The following ZFHX3 variants were observed in gnomAD, a reference collection of about 807,000 sequenced individuals.
ZFHX3 encodes the protein zinc finger homeobox protein 3.
ZFHX3 carries 42 observed loss-of-function variants against 279.1 expected under a neutral mutation model. The ratio of observed to expected loss-of-function variants is 0.15; its 90% CI spans 0.12 to 0.19. The LOEUF (loss-of-function observed/expected upper bound fraction) is 0.19. ZFHX3 is among the 10% of genes least tolerant of loss of function. The probability of loss-of-function intolerance (pLI) is 1.00; values close to 1 mark genes in which losing one functional copy is unlikely to be tolerated. For synonymous variants in ZFHX3, 2,293 were observed against 1,957.8 expected, an observed-to-expected ratio of 1.17 and a Z score of -4.52; for missense variants, 4,981 against 4,754.0, an observed-to-expected ratio of 1.05 and a Z score of -1.40.
At chr16:73,510,179 GCCACTTGCAATTACA>G (rs1415634801) in intron 2 of ZFHX3, among the ~76,000 whole-genome samples, 4 of 152,094 alleles carry the variant, frequency 2.6e-5, no homozygotes, top group African/African-American at 9.7e-5. Flanking sequence ...GCATCATCTA[GCCACTTGCAATTACA>G]CCACTCTCTT....
At chr16:73,743,862 C>T (rs1045239767) in intron 1 of ZFHX3, among the ~76,000 whole-genome samples, 4 of 152,072 alleles carry the variant, frequency 2.6e-5, no homozygotes, top group Non-Finnish European at 4.4e-5. Flanking sequence ...CTCTAGGGGG[C>T]GCCATGCATC....
At chr16:73,455,310 G>A (rs2018352650) in intron 3 of ZFHX3, among the ~76,000 whole-genome samples, 1 of 152,184 alleles carries the variant, frequency 6.6e-6, no homozygotes, top group South Asian at 2.1e-4. Context: ...GTGGAAAATT[G>A]ATTGCGAGAA....
intron 3 of ZFHX3, among the ~76,000 whole-genome samples, chr16:72,946,422 T>C (rs959782860): frequency 4.6e-5 from 7 of 152,164 alleles, no homozygotes; most frequent in African/African-American, 1.4e-4. Context: ...CCGTTTTGAG[T>C]AACAGATTCT....
chr16:72,901,680 G>C (rs1229814815), intron 3 of ZFHX3, among the ~76,000 whole-genome samples: 1 of 152,172 alleles, frequency 6.6e-6, no homozygotes, highest in Non-Finnish European at 1.5e-5. Context: ...AGACAGACTT[G>C]TCGGAGGGAA....
At chr16:73,086,601 G>A (rs1966014550) in intron 8 of ZFHX3, among the ~76,000 whole-genome samples, 1 of 152,140 alleles carries the variant, frequency 6.6e-6, no homozygotes, top group South Asian at 2.1e-4. Flanking sequence ...ATAATTTTAT[G>A]TATAGTTCAC....
intron 3 of ZFHX3, among the ~76,000 whole-genome samples, chr16:73,447,007 C>T (rs1398655775): frequency 1.3e-5 from 2 of 151,666 alleles, no homozygotes; most frequent in African/African-American, 4.8e-5. Flanking sequence ...AGTGAAACAC[C>T]ATCTCTACTA....
At chr16:73,717,737 G>T (rs1470775853) in intron 1 of ZFHX3, among the ~76,000 whole-genome samples, 1 of 152,168 alleles carries the variant, frequency 6.6e-6, no homozygotes, top group Non-Finnish European at 1.5e-5. Context: ...CTTAATCCAA[G>T]AATTGGCTCT....
At chr16:73,251,298 G>C (rs1173707141) in intron 5 of ZFHX3, among the ~76,000 whole-genome samples, 1 of 152,128 alleles carries the variant, frequency 6.6e-6, no homozygotes, top group Non-Finnish European at 1.5e-5. Flanking sequence ...GCTAAACAGT[G>C]AATCACTAAG....
chr16:72,918,214 A>T (rs1003971474), intron 3 of ZFHX3, among the ~76,000 whole-genome samples: 2 of 152,180 alleles, frequency 1.3e-5, no homozygotes, highest in African/African-American at 4.8e-5. Context: ...ACAAGCAAAT[A>T]AGTCAAAAGC....
At chr16:73,563,171 TGTGTGTGTGTG>T (rs1283580653) in intron 2 of ZFHX3, among the ~76,000 whole-genome samples, 5 of 2,558 alleles carry the variant, frequency 2.0e-3, no homozygotes, top group African/African-American at 4.1e-3. Flanking sequence ...TTTGTTTTGT[TGTGTGTGTGTG>T]TGTGTGTGTG....
At chr16:73,149,023 T>C (rs1966883455) in intron 5 of ZFHX3, among the ~76,000 whole-genome samples, 1 of 148,784 alleles carries the variant, frequency 6.7e-6, no homozygotes, top group Admixed American at 6.7e-5. Flanking sequence ...ATATATTTTA[T>C]ATATATATAA....
intron 2 of ZFHX3, among the ~76,000 whole-genome samples, chr16:73,488,998 A>C (rs887005868): frequency 1.3e-5 from 2 of 152,238 alleles, no homozygotes; most frequent in Admixed American, 1.3e-4. Flanking sequence ...AGTGTTTAGC[A>C]TGGTATCAGA....
intron 4 of ZFHX3, among the ~76,000 whole-genome samples, chr16:73,272,311 T>C (rs1300944332): frequency 1.3e-5 from 2 of 152,188 alleles, no homozygotes; most frequent in Non-Finnish European, 2.9e-5. Flanking sequence ...TCTCTCCCAG[T>C]TTTTTTCTGG....
intron 1 of ZFHX3, among the ~76,000 whole-genome samples, chr16:73,836,222 A>G (rs536275114): frequency 4.6e-5 from 7 of 152,236 alleles, no homozygotes; most frequent in South Asian, 2.1e-4. Context: ...ATTGAACCCA[A>G]CTGCTGAAGA....
At chr16:73,793,598 TTGAC>T (rs1236781314) in intron 1 of ZFHX3, among the ~76,000 whole-genome samples, 1 of 152,254 alleles carries the variant, frequency 6.6e-6, no homozygotes, top group Admixed American at 6.5e-5. Flanking sequence ...ACTGGACTAT[TTGAC>T]TGTGTGATTC....
In ZFHX3 at chr16:72,788,423, G is replaced by T. The variant is rs775711464; in HGVS notation, c.9853C>A (p.Pro3285Thr). ...PLPTMEYAVD[P>T]AQLQALQAAL... ...GCCTGCAGGGCCTGCAGCTGTGCAG[G>T]GTCTACCGCATACTCCATGGTGGGC... Residue 3285 changes from proline to threonine, a missense_variant, in exon 10 of 10, where the codon CCT becomes ACT. By Grantham distance (38) the Pro-to-Thr change is conservative. Coordinates refer to ENST00000268489, the MANE Select transcript of ZFHX3 (RefSeq NM_006885.4). The T allele has an allele frequency of 8.1e-6, 13 of 1,614,100 alleles. No individual in the cohort carries two copies. Among genetic ancestry groups the T allele is most frequent in the Non-Finnish European group, 8.5e-6 (10 of 1,180,050 alleles).
intron 4 of ZFHX3, among the ~76,000 whole-genome samples, chr16:72,886,651 G>A (rs1597346839): frequency 6.6e-6 from 1 of 152,148 alleles, no homozygotes; most frequent in African/African-American, 2.4e-5. Context: ...TGTATGCAGA[G>A]CTGGCCAAAA....
Position 73,588,489 on chromosome 16 carries a change from A to T in ZFHX3, c.-1547+91691T>A, listed in dbSNP as rs189014911. On this transcript the variant is annotated intron_variant, in intron 2 of 17. Coordinates refer to the ZFHX3 transcript ENST00000641206. ...ATCACAAGGCCAGGAGATCGAGACC[A>T]TCCTGGCTAACACGGTGAAACCCCA... 8.2e-3 allele frequency among the ~76,000 whole-genome samples: 1,252 copies of T among 151,980 alleles called. 7 individuals carry two copies. Among genetic ancestry groups the T allele is most frequent in the Non-Finnish European group, 0.014 (958 of 67,970 alleles).
intron 1 of ZFHX3, among the ~76,000 whole-genome samples, chr16:72,980,469 T>C (rs920812124): frequency 2.8e-4 from 43 of 152,136 alleles, no homozygotes; most frequent in Non-Finnish European, 2.8e-4. Flanking sequence ...GTTAATAATG[T>C]CAGTTTTGGC....
Sources: allele counts gnomAD v4.1 joint callset (sites outside exome capture counted in the v4.1 genomes callset), GRCh38; gene constraint gnomAD v4.1.1; transcripts MANE v1.5; gene names NCBI Gene and HGNC (gene_info 2026-07-23, HGNC 2026-07-21).